CAPRIN2: variants seen among roughly 807,000 people sequenced by gnomAD.
The protein encoded by CAPRIN2 is caprin-2.
In CAPRIN2, 66 loss-of-function variants were observed where a neutral mutation model predicts 130.4. That is an observed-to-expected ratio of 0.51 (90% CI 0.42 to 0.62). CAPRIN2 has a LOEUF of 0.62. CAPRIN2 is among the 20% of genes least tolerant of loss of function. CAPRIN2 has a pLI of 0.00. For synonymous variants in CAPRIN2, 471 were observed against 444.1 expected (o/e 1.06, Z -0.76); for missense variants, 1,185 against 1,246.6 (o/e 0.95, Z 0.74).
Position 30,728,532 on chromosome 12 carries a change from G to A in CAPRIN2, c.1782+116C>T. 8.6e-6 allele frequency: 7 copies of A among 812,240 alleles called. No individual in the cohort carries two copies. The South Asian group carries it at 9.4e-5, about 11-fold the overall frequency. The allele number at this position is 812,240 out of a possible 1,614,324, so 50.3% of individuals were successfully genotyped here. A position where few individuals can be genotyped will look rare whatever the true frequency, so the allele number is the denominator to read the frequency against. ...ATAGTGCCACTGCACTCCAGCCTGG[G>A]TAACAGAGTGTTTCTCCATCTCAAA... On this transcript the variant is annotated intron_variant, in intron 8 of 16. Transcript: ENST00000298892.
At chr12:30,723,541 G>C (rs548516671) in intron 10 of CAPRIN2, among the ~76,000 whole-genome samples, 2 of 152,230 alleles carry the variant, frequency 1.3e-5, no homozygotes, top group African/African-American at 4.8e-5. Flanking sequence ...AGGTTAAATG[G>C]ACAAAAGTAG....
intron 2 of CAPRIN2, among the ~76,000 whole-genome samples, chr12:30,744,422 G>C (rs188791352): frequency 6.6e-5 from 10 of 152,188 alleles, no homozygotes; most frequent in Non-Finnish European, 1.0e-4. Context: ...ACCCCCTCCA[G>C]CTTCATCACC....
chr12:30,715,437 C>T (rs779938478), intron 13 of CAPRIN2: 2 of 491,230 alleles, frequency 4.1e-6, no homozygotes, highest in South Asian at 3.1e-5. Context: ...ATATTGTATA[C>T]CACTTATATG....
chr12:30,711,591 A>G, exon 16 of CAPRIN2: 1 of 1,613,916 alleles, frequency 6.2e-7, no homozygotes. Context: ...GTGGACCACC[A>G]GATGTCCCTC....
At chr12:30,729,483 T>C (rs1194751930) in intron 7 of CAPRIN2, among the ~76,000 whole-genome samples, 158 bp from the exon 9 acceptor site, 2 of 152,202 alleles carry the variant, frequency 1.3e-5, no homozygotes, top group African/African-American at 4.8e-5. Context: ...CCTACTTCTC[T>C]TTCCTACTTT....
chr12:30,746,969 G>C (rs2070840243), intron 2 of CAPRIN2, among the ~76,000 whole-genome samples: 1 of 152,162 alleles, frequency 6.6e-6, no homozygotes, highest in South Asian at 2.1e-4. Context: ...TCCATAACTA[G>C]AGATGAGAAG....
intron 3 of CAPRIN2, among the ~76,000 whole-genome samples, chr12:30,736,033 C>T (rs968818749): frequency 1.4e-4 from 21 of 151,566 alleles, no homozygotes; most frequent in African/African-American, 5.1e-4. Flanking sequence ...CCCAGCTACT[C>T]AGGAAGCTGT....
exon 5 of CAPRIN2, chr12:30,733,648 T>G: frequency 6.2e-7 from 1 of 1,612,976 alleles, no homozygotes; most frequent in Non-Finnish European, 8.5e-7. Context: ...CTACCACTGC[T>G]TTCTCACTAC....
chr12:30,749,004 C>T (rs2072248424), intron 2 of CAPRIN2, among the ~76,000 whole-genome samples: 1 of 152,064 alleles, frequency 6.6e-6, no homozygotes, highest in South Asian at 2.1e-4. Flanking sequence ...AGGAAAGGAG[C>T]TAAGCAGTGT....
chr12:30,753,852 T>C (rs1465098068), exon 1 of CAPRIN2: 3 of 1,370,484 alleles, frequency 2.2e-6, no homozygotes, highest in African/African-American at 2.9e-5. Flanking sequence ...TTTCCAGAAA[T>C]TCGATTTTCC....
At chr12:30,742,147 A>T (rs2067759373) in intron 2 of CAPRIN2, among the ~76,000 whole-genome samples, 1 of 152,162 alleles carries the variant, frequency 6.6e-6, no homozygotes, top group Non-Finnish European at 1.5e-5. Context: ...ATACTCTAAA[A>T]TTAGACTGTG....
At chr12:30,731,505 G>T (rs953231795) in exon 6 of CAPRIN2, 1 of 1,611,390 alleles carries the variant, frequency 6.2e-7, no homozygotes, top group African/African-American at 1.3e-5. Context: ...TCCTTCAAGT[G>T]TTTGTCTAAG....
At chr12:30,748,312 G>A (rs1220801963) in intron 2 of CAPRIN2, among the ~76,000 whole-genome samples, 3 of 152,266 alleles carry the variant, frequency 2.0e-5, no homozygotes, top group East Asian at 1.9e-4. Flanking sequence ...TGCCACAGCC[G>A]CTGCAACCTT....
exon 11 of CAPRIN2, chr12:30,723,311 G>C: frequency 6.2e-7 from 1 of 1,610,298 alleles, no homozygotes; most frequent in Non-Finnish European, 8.5e-7. Context: ...TTGTTCTTTA[G>C]ATGCTGCAAG....
chr12:30,721,589 A>G (rs1297609234), intron 11 of CAPRIN2, among the ~76,000 whole-genome samples: 1 of 152,254 alleles, frequency 6.6e-6, no homozygotes, highest in Non-Finnish European at 1.5e-5. Context: ...CTATCGCACA[A>G]CAGGTATTCA....
chr12:30,722,438 GAACTACT>G (rs1178444477), intron 11 of CAPRIN2, among the ~76,000 whole-genome samples: 5 of 151,114 alleles, frequency 3.3e-5, no homozygotes, highest in Admixed American at 2.6e-4. Flanking sequence ...CTCCACCAGA[GAACTACT>G]AAGCTAGACC....
At chr12:30,731,888 G>A (rs945616549) in intron 5 of CAPRIN2, among the ~76,000 whole-genome samples, 1 of 151,968 alleles carries the variant, frequency 6.6e-6, no homozygotes, top group African/African-American at 2.4e-5. Flanking sequence ...TATTCCCTGA[G>A]ATGAGAAATA....
chr12:30,712,733 CTTTTTT>C (rs754373140), intron 15 of CAPRIN2, among the ~76,000 whole-genome samples: 3 of 107,312 alleles, frequency 2.8e-5, no homozygotes, highest in Non-Finnish European at 5.4e-5. Context: ...GTTTTCCACT[CTTTTTT>C]TTTTTTTTTT....
intron 3 of CAPRIN2, among the ~76,000 whole-genome samples, chr12:30,738,377 GGC>G (rs2065844856): frequency 6.6e-6 from 1 of 151,656 alleles, no homozygotes; most frequent in Admixed American, 6.6e-5. Flanking sequence ...GCCATATCTT[GGC>G]TCTACCACTT....
Sources: gnomAD v4.1 joint callset for allele counts (sites outside exome capture counted in the v4.1 genomes callset) on GRCh38, gnomAD v4.1.1 for gene constraint, MANE v1.5 for transcripts, NCBI Gene and HGNC (gene_info 2026-07-23, HGNC 2026-07-21) for gene names.